Variants in NOS1AP observed in about 807,000 individuals in gnomAD.
The protein encoded by NOS1AP is carboxyl-terminal PDZ ligand of neuronal nitric oxide synthase protein.
A neutral mutation model predicts 56.2 loss-of-function variants in NOS1AP; 21 were observed. The observed-to-expected ratio is 0.37, with a 90% CI of 0.26 to 0.54. The LOEUF is 0.54. Ranked by LOEUF, NOS1AP falls within the 20% of genes least tolerant of loss-of-function variation. The pLI is 0.84. For synonymous variants in NOS1AP, 270 were observed against 274.6 expected, an observed-to-expected ratio of 0.98 and a Z score of 0.17; for missense variants, 522 against 657.8, an observed-to-expected ratio of 0.79 and a Z score of 2.26.
intron 1 of NOS1AP, among the ~76,000 whole-genome samples, chr1:162,113,457 C>T (rs1054293623): frequency 1.3e-5 from 2 of 152,076 alleles, no homozygotes; most frequent in African/African-American, 2.4e-5. Context: ...AAGAAACACC[C>T]GAGACTGGGT....
intron 2 of NOS1AP, among the ~76,000 whole-genome samples, chr1:162,239,024 A>G (rs1653395966): frequency 6.6e-6 from 1 of 152,246 alleles, no homozygotes; most frequent in South Asian, 2.1e-4. Flanking sequence ...ACATTACAAT[A>G]TTAGTGAATA....
chr1:162,221,374 C>T (rs547812560), intron 2 of NOS1AP, among the ~76,000 whole-genome samples: 8 of 152,210 alleles, frequency 5.3e-5, no homozygotes, highest in African/African-American at 1.7e-4. Flanking sequence ...TGTGTTTCTC[C>T]TTTTTAAATT....
intron 2 of NOS1AP, among the ~76,000 whole-genome samples, chr1:162,225,178 G>A (rs1652901088): frequency 6.6e-6 from 1 of 152,138 alleles, no homozygotes; most frequent in African/African-American, 2.4e-5. Context: ...GTCCTCCTAG[G>A]GTAGGGTTAT....
Position 162,333,008 on chromosome 1 carries a change from T to C in NOS1AP, c.345-9T>C, listed in dbSNP as rs764190270. ...TTTTCAGTGCATTTTTCTGTTGTTC[T>C]TCCTTTAGGATCTTCTATGTCTCTC... is the stretch of plus-strand genomic sequence containing the variant. On this transcript the variant is annotated splice_polypyrimidine_tract_variant and intron_variant, in intron 4 of 9. Coordinates refer to ENST00000361897, the MANE Select transcript of NOS1AP (RefSeq NM_014697.3). The C allele has an allele frequency of 1.2e-6, 2 of 1,602,526 alleles. No individual in the cohort carries two copies. The highest frequency in any genetic ancestry group is 2.2e-5 in the South Asian group (2 of 90,852).
intron 2 of NOS1AP, among the ~76,000 whole-genome samples, chr1:162,169,516 A>G (rs1205056121): frequency 6.6e-6 from 1 of 152,180 alleles, no homozygotes; most frequent in African/African-American, 2.4e-5. Flanking sequence ...CTGGGCACTC[A>G]GACAGCTGCT....
intron 8 of NOS1AP, among the ~76,000 whole-genome samples, chr1:162,359,054 G>A (rs920185899): frequency 7.2e-5 from 11 of 152,130 alleles, no homozygotes; most frequent in Non-Finnish European, 4.4e-5. Flanking sequence ...TCCTGCCCTG[G>A]CCCTGTTTTA....
chr1:162,236,489 A>G (rs1264726148), intron 2 of NOS1AP, among the ~76,000 whole-genome samples: 3 of 152,222 alleles, frequency 2.0e-5, no homozygotes, highest in African/African-American at 7.2e-5. Flanking sequence ...GAGAGTAACT[A>G]GCGGACATGT....
intron 4 of NOS1AP, among the ~76,000 whole-genome samples, chr1:162,313,634 A>T (rs528323492): frequency 3.9e-5 from 6 of 152,278 alleles, no homozygotes; most frequent in South Asian, 2.1e-4. Context: ...CTGAAGAGAG[A>T]TTGCTTGGGG....
intron 2 of NOS1AP, among the ~76,000 whole-genome samples, chr1:162,280,251 A>G (rs1256922708): frequency 1.3e-5 from 2 of 152,264 alleles, no homozygotes; most frequent in Non-Finnish European, 2.9e-5. Flanking sequence ...CTCCCAAAGT[A>G]ATACTTTTTA....
intron 4 of NOS1AP, among the ~76,000 whole-genome samples, chr1:162,320,506 G>A (rs1656376652): frequency 6.6e-6 from 1 of 152,200 alleles, no homozygotes; most frequent in African/African-American, 2.4e-5. Context: ...GTCCTTACAT[G>A]CTGCCTTCCA....
chr1:162,121,136 C>T (rs561973343), intron 1 of NOS1AP, among the ~76,000 whole-genome samples: 39 of 146,840 alleles, frequency 2.7e-4, no homozygotes, highest in Admixed American at 5.4e-4. Context: ...AGGGGTAAAC[C>T]GATCACTTCA....
intron 1 of NOS1AP, among the ~76,000 whole-genome samples, chr1:162,122,000 A>T (rs992171796): frequency 6.6e-6 from 1 of 152,244 alleles, no homozygotes; most frequent in Non-Finnish European, 1.5e-5. Context: ...TAAAAGCTGG[A>T]ATCTATCAAC....
At chr1:162,245,962 T>A (rs1653646753) in intron 2 of NOS1AP, among the ~76,000 whole-genome samples, 1 of 152,232 alleles carries the variant, frequency 6.6e-6, no homozygotes, top group South Asian at 2.1e-4. Flanking sequence ...ATTTTATTAA[T>A]ACCAACGTTA....
At chr1:162,077,434 C>T (rs1404648752) in intron 1 of NOS1AP, among the ~76,000 whole-genome samples, 2 of 151,942 alleles carry the variant, frequency 1.3e-5, no homozygotes, top group East Asian at 3.9e-4. Context: ...ATCCTTTGCC[C>T]ATTTAAAAGT....
intron 2 of NOS1AP, among the ~76,000 whole-genome samples, chr1:162,184,319 A>T (rs1651358234): frequency 6.6e-6 from 1 of 152,246 alleles, no homozygotes; most frequent in Admixed American, 6.5e-5. Flanking sequence ...AAATTATCAT[A>T]ACAGAGATGA....
chr1:162,269,234 A>C (rs187478811), intron 2 of NOS1AP, among the ~76,000 whole-genome samples: 2 of 152,318 alleles, frequency 1.3e-5, no homozygotes, highest in East Asian at 3.9e-4. Flanking sequence ...CCTTGCAGCC[A>C]ATTTCTCAAG....
chr1:162,073,749 T>A (rs997950951), intron 1 of NOS1AP, among the ~76,000 whole-genome samples: 12 of 152,258 alleles, frequency 7.9e-5, no homozygotes, highest in African/African-American at 2.7e-4. Flanking sequence ...CGTGAACCAC[T>A]GCGCCCGGCT....
chr1:162,291,731 T>C (rs1409837177), intron 3 of NOS1AP, among the ~76,000 whole-genome samples: 1 of 152,222 alleles, frequency 6.6e-6, no homozygotes, highest in Non-Finnish European at 1.5e-5. Context: ...AGATAATGAA[T>C]CTCAAATTCT....
At chr1:162,219,161 C>T (rs1571137683) in intron 2 of NOS1AP, among the ~76,000 whole-genome samples, 9 of 152,188 alleles carry the variant, frequency 5.9e-5, no homozygotes, top group Admixed American at 5.9e-4. Context: ...TCCAGCCCTA[C>T]CTCTTTGCTT....
Sources: allele counts gnomAD v4.1 joint callset (sites outside exome capture counted in the v4.1 genomes callset), GRCh38; gene constraint gnomAD v4.1.1; transcripts MANE v1.5; gene names NCBI Gene and HGNC (gene_info 2026-07-23, HGNC 2026-07-21).